DISP3: variants seen among roughly 807,000 people sequenced by gnomAD.
DISP3 encodes protein dispatched homolog 3.
DISP3 carries 101 observed loss-of-function variants against 135.3 expected under a neutral mutation model. The ratio of observed to expected loss-of-function variants is 0.75; its 90% CI spans 0.64 to 0.88. DISP3 has a LOEUF of 0.88. Ranked by LOEUF, DISP3 falls within the 40% of genes least tolerant of loss-of-function variation. The probability of loss-of-function intolerance (pLI) is 0.00; values close to 1 mark genes in which losing one functional copy is unlikely to be tolerated. For missense variants in DISP3, 1,713 were observed against 1,878.6 expected, an observed-to-expected ratio of 0.91 and a Z score of 1.63; for synonymous variants, 856 against 817.0, an observed-to-expected ratio of 1.05 and a Z score of -0.81.
intron 10 of DISP3, 91 bp from the exon 11 acceptor site, chr1:11,523,851 G>A (rs1642326818): frequency 6.8e-6 from 7 of 1,034,140 alleles, no homozygotes; most frequent in Non-Finnish European, 8.6e-6. Context: ...TCCTGAGACT[G>A]TCTCAGATCC....
intron 15 of DISP3, among the ~76,000 whole-genome samples, chr1:11,530,695 G>C (rs1642553421): frequency 1.3e-5 from 2 of 152,178 alleles, no homozygotes; most frequent in Admixed American, 6.5e-5. Flanking sequence ...GGTCCTGTGT[G>C]GGGTGGGCAG....
rs374554491 is a variant in DISP3, at chr1:11,516,084, G to T, written c.1672G>T (p.Val558Phe). The change falls in exon 6 of 21, where the codon GTC (valine) becomes TTC (phenylalanine). Residue 558 changes from valine (V) to phenylalanine (F), a missense_variant. Physicochemically the swap from Val to Phe is conservative, Grantham distance 50. Around this residue, in one of 2 missense-constraint regions of DISP3, gnomAD observed 1,142 missense variants for 1,384.6 expected, o/e 0.82. Transcript: ENST00000294484. The surrounding 1 kb of genome is among the most constrained non-coding windows in gnomAD (Gnocchi z 5.1). Reference protein sequence around the residue: ...EDPQLRMIHTVQTAGKATFFT... With the variant: ...EDPQLRMIHTFQTAGKATFFT... ...CCCACAGCTGCGCATGATCCACACC[G>T]TCCAAACTGCAGGCAAGGCCACCTT... The T allele has an allele frequency of 6.2e-7, 1 of 1,614,140 alleles. No individual in the cohort carries two copies. The highest frequency in any genetic ancestry group is 2.2e-5 in the East Asian group (1 of 44,884).
intron 3 of DISP3, among the ~76,000 whole-genome samples, chr1:11,505,630 T>C (rs998385892): frequency 6.6e-6 from 1 of 152,240 alleles, no homozygotes; most frequent in Non-Finnish European, 1.5e-5. Context: ...GATGGCAACA[T>C]GTACCTTGAC....
In DISP3 at chr1:11,530,974, A is replaced by G; in HGVS notation, c.3170A>G (p.Lys1057Arg). 2 of 1,614,014 alleles carry G rather than the reference A, an allele frequency of 1.2e-6. No individual in the cohort carries two copies. The highest frequency in any genetic ancestry group is 2.2e-5 in the South Asian group (2 of 91,082). Reference sequence around the variant, plus strand: ...ATTGGGCACCTGTGTCACCTCTGCAAGGCCATCGCAGCCAACTCCGAGCTG... The same window carrying G: ...ATTGGGCACCTGTGTCACCTCTGCAGGGCCATCGCAGCCAACTCCGAGCTG... ...KEIGHLCHLC[K>R]AIAANSELVK... Residue 1057 changes from lysine (K) to arginine (R), a missense_variant, in exon 16 of 21, where the codon AAG becomes AGG. By Grantham distance (26) the Lys-to-Arg change is conservative. Around this residue, in one of 2 missense-constraint regions of DISP3, gnomAD observed 1,142 missense variants for 1,384.6 expected, o/e 0.82. Coordinates refer to ENST00000294484, the MANE Select transcript of DISP3 (RefSeq NM_020780.2).
At position 11,531,436 on chromosome 1, in the gene DISP3, A is replaced by G. The variant is rs1327895710; in HGVS notation, c.3230-129A>G. ...GGCAAATGCATGTTGTAGGTTTCCC[A>G]ATGCCGTTGCCAATGGTTACAAGCA... On this transcript the variant is annotated intron_variant, in intron 16 of 20. Coordinates refer to ENST00000294484, the MANE Select transcript of DISP3 (RefSeq NM_020780.2). This position sits in a 1 kb window ranked among gnomAD's most constrained non-coding sequence, Gnocchi z 5.2. 7.5e-7 allele frequency: 1 copy of G among 1,336,842 alleles called. No individual in the cohort carries two copies. The highest frequency in any genetic ancestry group is 1.9e-5 in the Admixed American group (1 of 52,040). 82.8% of individuals were successfully genotyped at this position (1,336,842 alleles called of 1,614,324 possible).
intron 7 of DISP3, among the ~76,000 whole-genome samples, chr1:11,518,500 T>A (rs1642075962): frequency 6.6e-6 from 1 of 152,194 alleles, no homozygotes; most frequent in African/African-American, 2.4e-5. Flanking sequence ...AGTTTCATGA[T>A]ATAGAAGCAG....
Position 11,535,480 on chromosome 1 carries a change from A to T in DISP3, c.3652A>T (p.Ile1218Phe). Residue 1218 changes from isoleucine (I) to phenylalanine (F), a missense_variant and splice_region_variant, in exon 20 of 21, where the codon ATC becomes TTC. Around this residue, in one of 2 missense-constraint regions of DISP3, gnomAD observed 1,142 missense variants for 1,384.6 expected, o/e 0.82. Transcript: ENST00000294484. ...CCCCCCCTGCTGTCTCCTTGCAGGC[A>T]TCGTGTGCCTGGTGGTGACCATCAT... ...LLPVLLSILG[I>F]VCLVVTIMYW... The T allele has an allele frequency of 1.2e-6, 2 of 1,605,628 alleles. No homozygotes were observed. The highest frequency in any genetic ancestry group is 1.7e-6 in the Non-Finnish European group (2 of 1,174,926).
chr1:11,511,928 C>T (rs1425569168), intron 3 of DISP3, among the ~76,000 whole-genome samples: 1 of 152,228 alleles, frequency 6.6e-6, no homozygotes, highest in Non-Finnish European at 1.5e-5. Flanking sequence ...GACTCAACAC[C>T]ATGTGGAAGC....
rs1352986820 is a variant in DISP3, at chr1:11,522,618, ACCCAGCCAGAGCCCAGCCAGAG to A, written c.2363-1314_2363-1293del. Among the ~76,000 whole-genome samples the A allele has an allele frequency of 3.6e-3, 129 of 35,448 alleles. 7 individuals carry two copies. Among genetic ancestry groups the A allele is most frequent in the East Asian group, 0.01 (13 of 1,264 alleles). 23.3% of individuals were successfully genotyped at this position (35,448 alleles called of 152,430 possible). ...AGGACCCAGCCAGAGCCCAGCCAGGACCCAGCCAGAGCCCAGCCAGAGCCCAGCCAGGGCCCAGCCAGAGCCC... is the reference window on the plus strand; with the variant it reads ...AGGACCCAGCCAGAGCCCAGCCAGGACCCAGCCAGGGCCCAGCCAGAGCCC... On this transcript the variant is annotated intron_variant, in intron 10 of 20. Coordinates refer to ENST00000294484, the MANE Select transcript of DISP3 (RefSeq NM_020780.2).
At chr1:11,534,104 T>C (rs113945503) in intron 17 of DISP3, among the ~76,000 whole-genome samples, 12 of 152,338 alleles carry the variant, frequency 7.9e-5, no homozygotes, top group Middle Eastern at 3.4e-3. Context: ...GGGAACAGCA[T>C]GCACTCTGTG....
chr1:11,534,588 G>A, intron 18 of DISP3, 48 bp downstream of exon 18: 2 of 1,563,944 alleles, frequency 1.3e-6, no homozygotes, highest in Non-Finnish European at 1.7e-6. Context: ...GGAGGCAGAG[G>A]GACCTGGGGC....
rs1641431172 is a variant in DISP3, at chr1:11,499,243, C to T, written c.-3-1747C>T. 6.6e-6 allele frequency among the ~76,000 whole-genome samples: 1 copy of T among 152,140 alleles called. No homozygotes were observed. Among genetic ancestry groups the T allele is most frequent in the Non-Finnish European group, 1.5e-5 (1 of 68,038 alleles). On this transcript the variant is annotated intron_variant, in intron 1 of 20. Coordinates refer to ENST00000294484, the MANE Select transcript of DISP3 (RefSeq NM_020780.2). This position sits in a 1 kb window ranked among gnomAD's most constrained non-coding sequence, Gnocchi z 5.2. ...ACACCAACACACTGTAAACTGTACT[C>T]CCCACAAGGCAGGCTGAGGCACGGG...
intron 15 of DISP3, 46 bp downstream of exon 15, chr1:11,530,005 A>G: frequency 6.3e-7 from 1 of 1,592,086 alleles, no homozygotes; most frequent in South Asian, 1.1e-5. Context: ...CAGCTGCAAC[A>G]GTCTTGCAAA....
In DISP3 at chr1:11,514,447, G is replaced by A. The variant is rs199502892; in HGVS notation, c.1374G>A (p.Thr458=). ...TDLFDYEVRR[T]FNNDMLLAFI... is the part of the protein sequence containing the mutation. Reference sequence around the variant, plus strand: ...TGTTTGACTATGAAGTGCGCAGGACGTTCAACAATGACATGCTCCTGGCCT... The same window carrying A: ...TGTTTGACTATGAAGTGCGCAGGACATTCAACAATGACATGCTCCTGGCCT... Residue 458 remains threonine, a synonymous_variant, in exon 4 of 21, where the codon ACG becomes ACA. Coordinates refer to ENST00000294484, the MANE Select transcript of DISP3 (RefSeq NM_020780.2). 2.0e-5 allele frequency: 32 copies of A among 1,613,856 alleles called. No homozygotes were observed. The East Asian group carries it at 3.3e-4, about 17-fold the overall frequency.
Position 11,516,742 on chromosome 1 carries a change from C to T in DISP3, c.1749+581C>T, listed in dbSNP as rs975448566. On this transcript the variant is annotated intron_variant, in intron 6 of 20. Transcript: ENST00000294484. This position sits in a 1 kb window ranked among gnomAD's most constrained non-coding sequence, Gnocchi z 5.1. Reference sequence around the variant, plus strand: ...CCCAAGTCTTTGAGAAACTTTACGACCTGGGCTGAGTAGCCCCTCTGGAAA... The same window carrying T: ...CCCAAGTCTTTGAGAAACTTTACGATCTGGGCTGAGTAGCCCCTCTGGAAA... Among the ~76,000 whole-genome samples the T allele has an allele frequency of 2.0e-5, 3 of 152,184 alleles. No individual in the cohort carries two copies. The highest frequency in any genetic ancestry group is 2.9e-5 in the Non-Finnish European group (2 of 68,030).
rs1641173457 is a variant in DISP3, at chr1:11,491,227, AG to A, written c.-3-9759del. 6.6e-6 allele frequency among the ~76,000 whole-genome samples: 1 copy of A among 151,952 alleles called. No homozygotes were observed. Among genetic ancestry groups the A allele is most frequent in the Admixed American group, 6.5e-5 (1 of 15,270 alleles). ...GTTGCTGGAGGGAGCCACTGGGAAC[AG>A]GGGAGGATGACCAGGGCAGCAGGGG... On this transcript the variant is annotated intron_variant, in intron 1 of 20. Coordinates refer to ENST00000294484, the MANE Select transcript of DISP3 (RefSeq NM_020780.2). This position sits in a 1 kb window ranked among gnomAD's most constrained non-coding sequence, Gnocchi z 4.3.
At position 11,536,318 on chromosome 1, in the gene DISP3, C is replaced by A. The variant is rs1642704368; in HGVS notation, c.3817-6C>A. On this transcript the variant is annotated splice_polypyrimidine_tract_variant and splice_region_variant and intron_variant, in intron 20 of 20. Transcript: ENST00000294484. The surrounding 1 kb of genome is among the most constrained non-coding windows in gnomAD (Gnocchi z 4.3). ...GCTGGGCTCCCAGCTCTCCTCTTGC[C>A]CCCAGGACGCCCGAACGCAGCGCCA... 2 of 1,594,486 alleles carry A rather than the reference C, an allele frequency of 1.3e-6. No individual in the cohort carries two copies. The highest frequency in any genetic ancestry group is 2.7e-5 in the African/African-American group (2 of 74,840).
intron 1 of DISP3, among the ~76,000 whole-genome samples, chr1:11,486,003 G>A (rs1641027271): frequency 6.6e-6 from 1 of 152,278 alleles, no homozygotes; most frequent in Admixed American, 6.5e-5. Context: ...CTGGGTAATT[G>A]TGCATAGGGA....
chr1:11,531,584 C>T lies in DISP3; in HGVS notation c.3249C>T (p.Phe1083=). ...CCGCAGGCTACAGCATCTCCTCCTT[C>T]CTGCAGATGTTGCACCCTGAGTGCA... The part of the protein sequence containing the change: ...CLPSGYSISS[F]LQMLHPECKE... The change falls in exon 17 of 21, where the codon TTC becomes TTT. Residue 1083 remains phenylalanine (F), a synonymous_variant. Transcript: ENST00000294484. This position sits in a 1 kb window ranked among gnomAD's most constrained non-coding sequence, Gnocchi z 5.2. 15 of 1,613,574 alleles carry T rather than the reference C, an allele frequency of 9.3e-6. No homozygotes were observed. In the South Asian group the frequency reaches 1.3e-4, roughly 14 times the overall value.
Sources: gnomAD v4.1 joint callset for allele counts (sites outside exome capture counted in the v4.1 genomes callset) on GRCh38, gnomAD v4.1.1 for gene constraint, gnomAD v4.1.1 regional missense constraint, Gnocchi (gnomAD v3.1) non-coding constraint, MANE v1.5 for transcripts, NCBI Gene and HGNC (gene_info 2026-07-23, HGNC 2026-07-21) for gene names.